CNTN5: variants seen among roughly 807,000 people sequenced by gnomAD.
The protein encoded by CNTN5 is contactin 5, also known as contactin-5.
In CNTN5, 77 loss-of-function variants were observed where a neutral mutation model predicts 129.1. The ratio of observed to expected loss-of-function variants is 0.60; its 90% CI spans 0.50 to 0.72. The LOEUF (loss-of-function observed/expected upper bound fraction) is 0.72, where lower values mean the gene tolerates loss of function less well. Ranked by LOEUF, CNTN5 falls within the 30% of genes least tolerant of loss-of-function variation. The pLI is 0.00. For synonymous variants in CNTN5, 509 were observed against 465.6 expected, an observed-to-expected ratio of 1.09 and a Z score of -1.20; for missense variants, 1,478 against 1,328.8, an observed-to-expected ratio of 1.11 and a Z score of -1.75.
intron 2 of CNTN5, among the ~76,000 whole-genome samples, chr11:99,439,718 A>AAG (rs1377022123): frequency 6.7e-6 from 1 of 148,902 alleles, no homozygotes; most frequent in African/African-American, 2.4e-5. Flanking sequence ...AAAAAAAAAA[A>AAG]AAAAAAAGAA....
At chr11:100,205,721 C>T (rs1196220968) in intron 15 of CNTN5, among the ~76,000 whole-genome samples, 3 of 150,962 alleles carry the variant, frequency 2.0e-5, no homozygotes, top group Admixed American at 6.6e-5. Flanking sequence ...ATTTACCTAG[C>T]ATTTATATTA....
intron 7 of CNTN5, among the ~76,000 whole-genome samples, chr11:99,923,525 T>G (rs1005618969): frequency 4.9e-4 from 74 of 152,184 alleles, no homozygotes; most frequent in Non-Finnish European, 7.9e-4. Context: ...ATATTTGACT[T>G]TATTATGTAC....
At chr11:99,862,798 T>A (rs1948249064) in intron 6 of CNTN5, among the ~76,000 whole-genome samples, 1 of 152,070 alleles carries the variant, frequency 6.6e-6, no homozygotes, top group Non-Finnish European at 1.5e-5. Context: ...ATATAATAGC[T>A]CATTAGAGAA....
At chr11:99,955,430 G>A (rs1456064320) in intron 7 of CNTN5, among the ~76,000 whole-genome samples, 1 of 152,002 alleles carries the variant, frequency 6.6e-6, no homozygotes, top group Non-Finnish European at 1.5e-5. Flanking sequence ...GATGGTAACA[G>A]TAAAAAACAC....
intron 8 of CNTN5, among the ~76,000 whole-genome samples, chr11:99,976,789 A>G (rs950290585): frequency 2.0e-5 from 3 of 152,222 alleles, no homozygotes; most frequent in Non-Finnish European, 2.9e-5. Context: ...AAAGACCTCT[A>G]ACATGCCCTG....
At chr11:99,730,502 A>G (rs752966583) in intron 3 of CNTN5, among the ~76,000 whole-genome samples, 70 of 152,354 alleles carry the variant, frequency 4.6e-4, no homozygotes, top group Non-Finnish European at 4.4e-4. Flanking sequence ...ATCTACTATT[A>G]GACATTTACA....
intron 1 of CNTN5, among the ~76,000 whole-genome samples, chr11:99,026,882 A>G (rs1015372964): frequency 1.3e-5 from 2 of 151,578 alleles, no homozygotes; most frequent in African/African-American, 4.8e-5. Context: ...AAATCCTTAT[A>G]TTAGAATATA....
chr11:99,183,673 C>T (rs7926907), intron 1 of CNTN5, among the ~76,000 whole-genome samples: 139,516 of 152,050 alleles, frequency 0.92, 64,108 homozygotes, highest in East Asian at 1. Flanking sequence ...TCTTCCTTGA[C>T]ATACCATTTG....
intron 1 of CNTN5, among the ~76,000 whole-genome samples, chr11:99,096,723 C>T (rs1321506501): frequency 6.6e-6 from 1 of 151,742 alleles, no homozygotes; most frequent in African/African-American, 2.4e-5. Flanking sequence ...TGCACAAAAG[C>T]ATTCCAATTT....
chr11:100,037,061 A>G (rs1942058408), intron 9 of CNTN5, among the ~76,000 whole-genome samples: 1 of 152,046 alleles, frequency 6.6e-6, no homozygotes, highest in African/African-American at 2.4e-5. Flanking sequence ...TTCAAAGGGA[A>G]TGCTTCCAGT....
At chr11:100,132,197 A>G (rs1946397781) in intron 13 of CNTN5, among the ~76,000 whole-genome samples, 1 of 152,160 alleles carries the variant, frequency 6.6e-6, no homozygotes. Context: ...TTTGAGGGCC[A>G]AGGTCAACGC....
intron 4 of CNTN5, among the ~76,000 whole-genome samples, chr11:99,826,423 C>T (rs1398581561): frequency 6.6e-6 from 1 of 152,104 alleles, no homozygotes; most frequent in Non-Finnish European, 1.5e-5. Context: ...CTCACATGCT[C>T]ACAGAAACAG....
chr11:99,288,258 T>A (rs1864024768), intron 1 of CNTN5, among the ~76,000 whole-genome samples: 1 of 151,772 alleles, frequency 6.6e-6, no homozygotes, highest in Non-Finnish European at 1.5e-5. Context: ...TTAAAGCATA[T>A]CTGGAGTTAG....
chr11:99,782,656 C>T (rs1945354184), intron 3 of CNTN5, among the ~76,000 whole-genome samples: 1 of 151,816 alleles, frequency 6.6e-6, no homozygotes, highest in Non-Finnish European at 1.5e-5. Context: ...CAGAACAGAG[C>T]CCTCAGAAAT....
At chr11:99,427,300 A>G (rs868247742) in intron 2 of CNTN5, among the ~76,000 whole-genome samples, 1 of 152,312 alleles carries the variant, frequency 6.6e-6, no homozygotes. Flanking sequence ...GATCTTGAAG[A>G]TAAAATATTT....
intron 1 of CNTN5, among the ~76,000 whole-genome samples, chr11:99,200,844 C>G (rs1217100104): frequency 1.3e-5 from 2 of 152,166 alleles, no homozygotes; most frequent in East Asian, 1.9e-4. Flanking sequence ...ATAATATACC[C>G]TTGGATTGGC....
intron 6 of CNTN5, among the ~76,000 whole-genome samples, chr11:99,869,138 T>A (rs527639987): frequency 6.6e-6 from 1 of 152,190 alleles, no homozygotes; most frequent in Non-Finnish European, 1.5e-5. Flanking sequence ...TTCAGATAAC[T>A]TTAAAAGGAT....
intron 1 of CNTN5, among the ~76,000 whole-genome samples, chr11:99,238,028 C>G (rs1861366896): frequency 6.6e-6 from 1 of 152,202 alleles, no homozygotes; most frequent in African/African-American, 2.4e-5. Context: ...GCTGCAAATT[C>G]TTTGTAACAT....
At chr11:100,318,242 G>GAAAAA (rs66824133) in intron 21 of CNTN5, among the ~76,000 whole-genome samples, 6 of 76,740 alleles carry the variant, frequency 7.8e-5, no homozygotes, top group African/African-American at 2.6e-4. Flanking sequence ...CTCTGTCTCA[G>GAAAAA]AAAAAAAAAA....
Sources: gnomAD v4.1 joint callset for allele counts (sites outside exome capture counted in the v4.1 genomes callset) on GRCh38, gnomAD v4.1.1 for gene constraint, MANE v1.5 for transcripts, NCBI Gene and HGNC (gene_info 2026-07-23, HGNC 2026-07-21) for gene names.